The following GUCY2F variants were observed in gnomAD, a reference collection of about 807,000 sequenced individuals.
The protein encoded by GUCY2F is retinal guanylyl cyclase 2.
Under a neutral mutation model 73.1 loss-of-function variants are expected in GUCY2F, and 61 were observed. The observed-to-expected ratio is 0.83, with a 90% CI of 0.68 to 1.03. The LOEUF is 1.03. Among genes scored for constraint, GUCY2F ranks in the 50% least tolerant of loss-of-function variants. The pLI, the probability that GUCY2F is intolerant of heterozygous loss-of-function variation, is 0.00. For synonymous variants in GUCY2F, 331 were observed against 307.8 expected (o/e 1.08, Z -0.79); for missense variants, 912 against 854.3 (o/e 1.07, Z -0.84).
At chrX:109,431,217 AT>A (rs1394107949) in intron 7 of GUCY2F, among the ~76,000 whole-genome samples, 1 of 111,814 alleles carries the variant, frequency 8.9e-6, no homozygotes, top group African/African-American at 3.3e-5. Flanking sequence ...TTTAAAAAAA[AT>A]ATCAATATAG....
chrX:109,475,137 G>T, intron 2 of GUCY2F, 70 bp downstream of exon 2: 1 of 1,065,107 alleles, frequency 9.4e-7, no homozygotes, highest in Non-Finnish European at 1.3e-6. Flanking sequence ...GTGAGGGTAG[G>T]AAACCTTTTG....
chrX:109,464,524 T>G (rs1017038373), intron 3 of GUCY2F, among the ~76,000 whole-genome samples: 6 of 112,357 alleles, frequency 5.3e-5, no homozygotes, highest in Non-Finnish European at 9.4e-5. Flanking sequence ...GCTCAGCCCC[T>G]CCTGTCTTCT....
chrX:109,420,940 G>T (rs1353218567), intron 8 of GUCY2F, among the ~76,000 whole-genome samples: 2 of 111,605 alleles, frequency 1.8e-5, no homozygotes, highest in African/African-American at 6.5e-5. Context: ...TTATTCTTAT[G>T]TATCTACTCA....
chrX:109,433,561 CTGTG>C (rs1356257689), intron 7 of GUCY2F, among the ~76,000 whole-genome samples: 11 of 111,395 alleles, frequency 9.9e-5, no homozygotes, highest in African/African-American at 3.6e-4. Flanking sequence ...TTTATTGAGT[CTGTG>C]TGAGTTCTAC....
At chrX:109,471,071 A>G (rs1932564448) in intron 2 of GUCY2F, among the ~76,000 whole-genome samples, 1 of 112,115 alleles carries the variant, frequency 8.9e-6, no homozygotes, top group Non-Finnish European at 1.9e-5. Context: ...TATATACAAG[A>G]ATCTTCAATA....
intron 7 of GUCY2F, among the ~76,000 whole-genome samples, chrX:109,432,979 G>A (rs917966983): frequency 1.8e-5 from 2 of 112,737 alleles, no homozygotes; most frequent in African/African-American, 6.5e-5. Flanking sequence ...TGCCAGTATA[G>A]ATGTAGATGT....
Position 109,453,860 on chromosome X carries a change from C to G in GUCY2F, c.1033-1G>C. 1 of 1,101,424 alleles carries G rather than the reference C, an allele frequency of 9.1e-7. No individual in the cohort carries two copies. Among genetic ancestry groups the G allele is most frequent in the Non-Finnish European group, 1.2e-6 (1 of 812,254 alleles). The allele number at this position is 1,101,424 out of a possible 1,213,427, so 90.8% of individuals were successfully genotyped here. On this transcript the variant is annotated splice_acceptor_variant, in intron 3 of 19. Transcript: ENST00000218006. LOFTEE classifies it high-confidence loss of function. ...AGATGGTTCCAAACAACGGTGAAAC[C>G]TATTTTTAAAAATTACAATTATCTT...
At position 109,481,741 on chromosome X, in the gene GUCY2F, T is replaced by A. The variant is rs768470806; in HGVS notation, c.-86+125A>T. On this transcript the variant is annotated intron_variant, in intron 1 of 19. Transcript: ENST00000218006. ...CTTCTTTCCTTCATTCTTTAAATTT[T>A]TTTTTTTACTACATATTGCAGTAAA... The A allele has an allele frequency of 2.7e-5, 3 of 111,075 alleles. No homozygotes were observed. The East Asian group carries it at 8.4e-4, about 31-fold the overall frequency. 9.2% of individuals were successfully genotyped at this position (111,075 alleles called of 1,213,427 possible).
rs1932059904 is a variant in GUCY2F at position 109,448,053 on chromosome X, A to C, written c.1569+16T>G. 1.2e-6 allele frequency: 1 copy of C among 811,710 alleles called. No individual in the cohort carries two copies. Among genetic ancestry groups the C allele is most frequent in the African/African-American group, 2.0e-5 (1 of 49,327 alleles). 66.9% of individuals were successfully genotyped at this position (811,710 alleles called of 1,213,427 possible). A position where few individuals can be genotyped will look rare whatever the true frequency, so the allele number is the denominator to read the frequency against. On this transcript the variant is annotated intron_variant, in intron 6 of 19. Coordinates refer to ENST00000218006, the MANE Select transcript of GUCY2F (RefSeq NM_001522.3). ...CCATGTTGGACAGGGCAGCAAAAGA[A>C]GAGGATACTCCTTACCTTACTGCCA... is the stretch of plus-strand genomic sequence containing the variant.
chrX:109,422,328 A>G (rs967544252), intron 8 of GUCY2F, among the ~76,000 whole-genome samples: 1 of 111,922 alleles, frequency 8.9e-6, no homozygotes, highest in Non-Finnish European at 1.9e-5. Context: ...CTACTTATAT[A>G]GGATATACGA....
At chrX:109,383,121 A>C (rs949516199) in intron 16 of GUCY2F, among the ~76,000 whole-genome samples, 2 of 111,742 alleles carry the variant, frequency 1.8e-5, no homozygotes, top group Non-Finnish European at 3.8e-5. Context: ...ACTCACAGTG[A>C]CTTTCTTTCT....
In GUCY2F at chrX:109,475,350, T is replaced by C. The variant is rs375203692; in HGVS notation, c.587A>G (p.Asp196Gly). The change falls in exon 2 of 20, where the codon GAC becomes GGC. Residue 196 changes from aspartate (D) to glycine (G), a missense_variant. By Grantham distance (94) the Asp-to-Gly change is moderately conservative. Coordinates refer to ENST00000218006, the MANE Select transcript of GUCY2F (RefSeq NM_001522.3). The stretch of plus-strand genomic sequence containing the variant: ...TCGATTGGCTGTATGCACCCAAATG[T>C]CTTCATCTGAGGAAATGACTCCAGC... ...AHAGVISSDE[D>G]IWVHTANRVA... 1.3e-5 allele frequency: 16 copies of C among 1,209,474 alleles called. No individual in the cohort carries two copies. Among genetic ancestry groups the C allele is most frequent in the Non-Finnish European group, 1.8e-5 (16 of 894,820 alleles).
At chrX:109,426,827 T>C (rs1931500677) in intron 8 of GUCY2F, among the ~76,000 whole-genome samples, 1 of 112,172 alleles carries the variant, frequency 8.9e-6, no homozygotes, top group Non-Finnish European at 1.9e-5. Context: ...AGTCAAGATA[T>C]ATAGTTGTCC....
intron 7 of GUCY2F, among the ~76,000 whole-genome samples, chrX:109,440,044 C>A (rs1343986009): frequency 8.9e-6 from 1 of 112,267 alleles, no homozygotes; most frequent in African/African-American, 3.2e-5. Flanking sequence ...TTTTTTGTAA[C>A]AACCCACTGC....
chrX:109,457,863 T>C (rs1932290161), intron 3 of GUCY2F, among the ~76,000 whole-genome samples: 1 of 112,280 alleles, frequency 8.9e-6, no homozygotes, highest in African/African-American at 3.2e-5. Context: ...ATCCAAAATA[T>C]GTGTTCCAGC....
intron 12 of GUCY2F, among the ~76,000 whole-genome samples, chrX:109,393,652 T>C (rs1483118159): frequency 1.8e-5 from 2 of 111,693 alleles, no homozygotes; most frequent in African/African-American, 3.3e-5. Flanking sequence ...GTCAGAGTGA[T>C]GTAAAATTCA....
chrX:109,478,016 G>A (rs187945853), intron 1 of GUCY2F, among the ~76,000 whole-genome samples: 1 of 111,857 alleles, frequency 8.9e-6, no homozygotes, highest in African/African-American at 3.3e-5. Context: ...TGGGATGGGG[G>A]AGGACTTCTA....
chrX:109,445,060 G>A (rs961767742), intron 6 of GUCY2F, among the ~76,000 whole-genome samples: 1 of 111,461 alleles, frequency 9.0e-6, no homozygotes, highest in Non-Finnish European at 1.9e-5. Context: ...ACAACATGGT[G>A]CTCATTGTCT....
At chrX:109,480,100 T>C (rs906363279) in intron 1 of GUCY2F, among the ~76,000 whole-genome samples, 1 of 111,550 alleles carries the variant, frequency 9.0e-6, no homozygotes, top group African/African-American at 3.3e-5. Context: ...ACAAATAAAA[T>C]GTTTTGTATT....
Sources: gnomAD v4.1 joint callset for allele counts (sites outside exome capture counted in the v4.1 genomes callset) on GRCh38, gnomAD v4.1.1 for gene constraint, MANE v1.5 for transcripts, NCBI Gene and HGNC (gene_info 2026-07-23, HGNC 2026-07-21) for gene names.